The following DPP6 variants were observed in gnomAD, a reference collection of about 807,000 sequenced individuals.
DPP6 encodes A-type potassium channel modulatory protein DPP6.
In DPP6, 69 loss-of-function variants were observed where a neutral mutation model predicts 122.6. That is an observed-to-expected ratio of 0.56 (90% CI 0.46 to 0.69). The LOEUF (loss-of-function observed/expected upper bound fraction) is 0.69. Among genes scored for constraint, DPP6 ranks in the 30% least tolerant of loss-of-function variants. DPP6 has a pLI of 0.00. For synonymous variants in DPP6, 418 were observed against 433.1 expected, an observed-to-expected ratio of 0.97 and a Z score of 0.43; for missense variants, 928 against 1,116.9, an observed-to-expected ratio of 0.83 and a Z score of 2.41.
At chr7:153,799,275 T>C in the DPP6 span, among the ~76,000 whole-genome samples, 1 of 152,230 alleles carries the variant, frequency 6.6e-6, no homozygotes, top group African/African-American at 2.4e-5. Context: ...GACTCACTGA[T>C]TTATCTAAAT....
At chr7:154,295,247 A>G (rs4075743) in intron 1 of DPP6, among the ~76,000 whole-genome samples, 22,983 of 152,146 alleles carry the variant, frequency 0.15, 2,600 homozygotes, top group African/African-American at 0.32. Flanking sequence ...CCAAAGCTGG[A>G]GTGAGACATG....
At chr7:154,794,980 C>G (rs917073757) in intron 11 of DPP6, among the ~76,000 whole-genome samples, 6 of 152,092 alleles carry the variant, frequency 3.9e-5, no homozygotes, top group African/African-American at 1.4e-4. Flanking sequence ...GCTCCTAACA[C>G]GACAGCTGTG....
intron 1 of DPP6, among the ~76,000 whole-genome samples, chr7:154,086,339 G>T (rs1013147711): frequency 6.1e-5 from 9 of 147,072 alleles, no homozygotes; most frequent in African/African-American, 2.3e-4. Flanking sequence ...GGGTATAGAG[G>T]CTGCAGGTGT....
intron 1 of DPP6, among the ~76,000 whole-genome samples, chr7:153,998,570 A>G (rs1237808177): frequency 6.6e-6 from 1 of 152,208 alleles, no homozygotes; most frequent in Non-Finnish European, 1.5e-5. Flanking sequence ...CATCGTGGTC[A>G]TGGTTCTGAG....
chr7:154,440,931 G>A (rs979137475), intron 1 of DPP6, among the ~76,000 whole-genome samples: 5 of 152,170 alleles, frequency 3.3e-5, no homozygotes, highest in Non-Finnish European at 4.4e-5. Context: ...GTGTCTTTAG[G>A]AGGAGGCTTT....
chr7:153,842,137 G>A, the DPP6 span, among the ~76,000 whole-genome samples: 4 of 152,322 alleles, frequency 2.6e-5, no homozygotes, highest in South Asian at 4.1e-4. Context: ...ATATATGTAA[G>A]TCTTCTGATC....
chr7:154,882,589 G>GT (rs757379837), intron 21 of DPP6, among the ~76,000 whole-genome samples: 1 of 152,116 alleles, frequency 6.6e-6, no homozygotes, highest in African/African-American at 2.4e-5. Context: ...GAGCCCAGGG[G>GT]AGCAGCAGCC....
chr7:154,540,790 C>T (rs749156770), intron 4 of DPP6, among the ~76,000 whole-genome samples, 164 bp downstream of exon 4: 4 of 152,182 alleles, frequency 2.6e-5, no homozygotes, highest in Non-Finnish European at 4.4e-5. Flanking sequence ...ATTGAAACCA[C>T]GCTAATTCAA....
intron 7 of DPP6, among the ~76,000 whole-genome samples, chr7:154,679,855 C>G (rs1839177535): frequency 6.6e-6 from 1 of 152,056 alleles, no homozygotes; most frequent in Non-Finnish European, 1.5e-5. Context: ...TGGATGGAGA[C>G]AGTTTGGTGA....
chr7:153,932,277 C>T (rs571985338), intron 1 of DPP6, among the ~76,000 whole-genome samples: 69 of 152,130 alleles, frequency 4.5e-4, no homozygotes, highest in African/African-American at 1.3e-3. Context: ...TGTGCCACCA[C>T]GCCTGGCTAA....
chr7:153,822,530 G>A, the DPP6 span, among the ~76,000 whole-genome samples: 1 of 152,118 alleles, frequency 6.6e-6, no homozygotes, highest in Non-Finnish European at 1.5e-5. Flanking sequence ...AGAATATAGA[G>A]CTTCTTCCCC....
At chr7:154,053,190 C>G (rs575335384) in intron 1 of DPP6, 127 bp downstream of exon 1, 5 of 867,876 alleles carry the variant, frequency 5.8e-6, no homozygotes, top group Admixed American at 6.3e-5. Flanking sequence ...CACGACTCTC[C>G]GGGCGCCCCC....
intron 8 of DPP6, among the ~76,000 whole-genome samples, chr7:154,759,735 C>A (rs1002986137): frequency 6.6e-6 from 1 of 152,362 alleles, no homozygotes; most frequent in Non-Finnish European, 1.5e-5. Context: ...TGTGTCCAGC[C>A]AGATAGCGTG....
At chr7:154,122,553 G>A (rs1807558318) in intron 1 of DPP6, among the ~76,000 whole-genome samples, 2 of 152,166 alleles carry the variant, frequency 1.3e-5, no homozygotes, top group Non-Finnish European at 2.9e-5. Context: ...GTCTCTGTGA[G>A]CTTGTGTTTC....
chr7:154,845,975 T>C (rs1437775171), intron 16 of DPP6, among the ~76,000 whole-genome samples: 1 of 146,620 alleles, frequency 6.8e-6, no homozygotes, highest in Non-Finnish European at 1.5e-5. Flanking sequence ...GGATGCGTCT[T>C]GGCCAACAGC....
rs146914720 is a variant in DPP6 at position 154,875,306 on chromosome 7, G to C, written c.1884-600G>C. Among the ~76,000 whole-genome samples the C allele has an allele frequency of 4.1e-3, 621 of 152,306 alleles. 4 individuals are homozygous for C. Among genetic ancestry groups the C allele is most frequent in the African/African-American group, 0.014 (599 of 41,560 alleles). On this transcript the variant is annotated intron_variant, in intron 19 of 25. Coordinates refer to ENST00000377770, the MANE Select transcript of DPP6 (RefSeq NM_130797.4). This position sits in a 1 kb window ranked among gnomAD's most constrained non-coding sequence, Gnocchi z 4.5. The stretch of plus-strand genomic sequence containing the variant: ...TGCTGGGCTCGCAAATGAAGAGCTG[G>C]GAGGAGAGCACAGTGGGAGCCGCCA...
intron 3 of DPP6, among the ~76,000 whole-genome samples, chr7:154,538,547 G>T (rs368355943): frequency 2.0e-5 from 3 of 152,138 alleles, no homozygotes; most frequent in East Asian, 3.9e-4. Context: ...GAACTCGTGA[G>T]GGGGTGTCAA....
rs1298804500 is a variant in DPP6, at chr7:154,760,839, T to G, written c.884-8578T>G. On this transcript the variant is annotated intron_variant, in intron 8 of 25. Transcript: ENST00000377770. This position sits in a 1 kb window ranked among gnomAD's most constrained non-coding sequence, Gnocchi z 4.5. ...GCTCAGCCTTCCTCTTTCAAAACTT[T>G]TGTTTTTTTTTTTTTGAGACAGTCT... 1.4e-5 allele frequency among the ~76,000 whole-genome samples: 1 copy of G among 72,128 alleles called. No individual in the cohort carries two copies. The highest frequency in any genetic ancestry group is 3.2e-5 in the Non-Finnish European group (1 of 30,886). The allele number at this position is 72,128 out of a possible 152,430, so 47.3% of individuals were successfully genotyped here.
intron 1 of DPP6, among the ~76,000 whole-genome samples, chr7:154,187,461 A>T: frequency 6.6e-6 from 1 of 152,338 alleles, no homozygotes; most frequent in Middle Eastern, 3.4e-3. Context: ...TGGATACTGT[A>T]TAAAGCCATT....
Sources: gnomAD v4.1 joint callset for allele counts (sites outside exome capture counted in the v4.1 genomes callset) on GRCh38, gnomAD v4.1.1 for gene constraint, Gnocchi (gnomAD v3.1) non-coding constraint, MANE v1.5 for transcripts, NCBI Gene and HGNC (gene_info 2026-07-23, HGNC 2026-07-21) for gene names.